The following ALG12 variants were observed in gnomAD, a reference collection of about 807,000 sequenced individuals.
ALG12 encodes the protein dol-P-Man:Man(7)GlcNAc(2)-PP-Dol alpha-1,6-mannosyltransferase.
Under a neutral mutation model 46.0 loss-of-function variants are expected in ALG12, and 36 were observed. The observed-to-expected ratio is 0.78, with a 90% CI of 0.60 to 1.03. The LOEUF (loss-of-function observed/expected upper bound fraction) is 1.03. ALG12 is among the 50% of genes least tolerant of loss of function. The pLI is 0.00. For missense variants in ALG12, 599 were observed against 633.5 expected, an observed-to-expected ratio of 0.95 and a Z score of 0.58; for synonymous variants, 326 against 291.6, an observed-to-expected ratio of 1.12 and a Z score of -1.20.
Position 49,902,702 on chromosome 22 carries a change from G to T in ALG12, c.*1136C>A, listed in dbSNP as rs2060519638. 1.6e-5 allele frequency: 2 copies of T among 124,538 alleles called. No homozygotes were observed. Among genetic ancestry groups the T allele is most frequent in the African/African-American group, 3.2e-5 (1 of 31,100 alleles). The allele number at this position is 124,538 out of a possible 1,614,324, so 7.7% of individuals were successfully genotyped here. The stretch of plus-strand genomic sequence containing the variant: ...CGTGTGCACTGTGTATGCATAGTGT[G>T]TGCACGTGTGCACTGTGTGTGGATG... On this transcript the variant is annotated 3_prime_UTR_variant, in exon 10 of 10. Transcript: ENST00000330817.
At chr22:49,860,765 C>T in the ALG12 span, among the ~76,000 whole-genome samples, 19 of 150,992 alleles carry the variant, frequency 1.3e-4, no homozygotes, top group East Asian at 2.9e-3. Context: ...ATCCCCACCA[C>T]TCTTCTAAGC....
the ALG12 span, among the ~76,000 whole-genome samples, chr22:49,892,809 C>A: frequency 6.6e-6 from 1 of 152,142 alleles, no homozygotes; most frequent in Non-Finnish European, 1.5e-5. Context: ...GCTCCTATAA[C>A]TTTACAGATA....
the ALG12 span, chr22:49,884,708 C>G: frequency 1.4e-4 from 231 of 1,597,886 alleles, no homozygotes; most frequent in African/African-American, 2.9e-3. Flanking sequence ...ACGGGCATCC[C>G]GCCACTGTAC....
At chr22:49,879,391 T>C in the ALG12 span, among the ~76,000 whole-genome samples, 18 of 151,884 alleles carry the variant, frequency 1.2e-4, no homozygotes, top group Admixed American at 2.6e-4. Context: ...CCTCCCGAAG[T>C]GCTGCGATTA....
At chr22:49,910,699 A>G (rs1188746878) in intron 3 of ALG12, 92 bp from the exon 4 acceptor site, 2 of 1,455,950 alleles carry the variant, frequency 1.4e-6, no homozygotes, top group Admixed American at 1.7e-5. Context: ...ATCTTTCTAT[A>G]TGGAGTTTTC....
At chr22:49,871,018 G>A in the ALG12 span, among the ~76,000 whole-genome samples, 1 of 149,208 alleles carries the variant, frequency 6.7e-6, no homozygotes, top group Admixed American at 6.7e-5. Flanking sequence ...TTGGCTAACT[G>A]CAACCTCCAT....
At chr22:49,899,320 C>CA (rs1209804049), downstream of ALG12, among the ~76,000 whole-genome samples, 5 of 151,260 alleles carry the variant, frequency 3.3e-5, no homozygotes, top group Non-Finnish European at 7.4e-5. Flanking sequence ...ACTAAAAATA[C>CA]AAAAAAAATT....
At chr22:49,909,407 A>G in intron 5 of ALG12, 60 bp from the exon 6 acceptor site, 1 of 1,500,894 alleles carries the variant, frequency 6.7e-7, no homozygotes, top group South Asian at 1.1e-5. Flanking sequence ...ACATCCCGCC[A>G]CAATGCAGCC....
the ALG12 span, chr22:49,889,644 C>T: frequency 6.0e-6 from 1 of 167,098 alleles, no homozygotes; most frequent in African/African-American, 2.4e-5. Flanking sequence ...TCATACATTC[C>T]CTTCATTTCG....
the ALG12 span, among the ~76,000 whole-genome samples, chr22:49,869,992 C>T: frequency 1.3e-5 from 2 of 152,128 alleles, no homozygotes; most frequent in East Asian, 1.9e-4. Flanking sequence ...TCCTCACTCT[C>T]GCAGTCCCAG....
At chr22:49,886,380 A>G in the ALG12 span, 1 of 1,610,400 alleles carries the variant, frequency 6.2e-7, no homozygotes. This position sits in a 1 kb window ranked among gnomAD's most constrained non-coding sequence, Gnocchi z 7.7. Context: ...TTGAGCAGAA[A>G]AGGGCCATTA....
the ALG12 span, among the ~76,000 whole-genome samples, chr22:49,894,816 C>T: frequency 6.6e-6 from 1 of 152,264 alleles, no homozygotes; most frequent in Admixed American, 6.5e-5. Flanking sequence ...ACGGCCGTCT[C>T]CTCCCTGGTT....
chr22:49,909,237 A>G lies in ALG12; in HGVS notation c.768+7T>C. 6.2e-7 allele frequency: 1 copy of G among 1,613,672 alleles called. No individual in the cohort carries two copies. On this transcript the variant is annotated splice_region_variant and intron_variant, in intron 6 of 9. Transcript: ENST00000330817. ...CATCGCCCTCCTGCACGGACACTGAAGGATACCCCCCAGTTGGAGCTTTTG... is the reference window on the plus strand; with the variant it reads ...CATCGCCCTCCTGCACGGACACTGAGGGATACCCCCCAGTTGGAGCTTTTG...
the ALG12 span, chr22:49,883,378 G>C: frequency 3.8e-5 from 11 of 289,936 alleles, no homozygotes; most frequent in East Asian, 5.7e-4. Context: ...TGATCAGGCA[G>C]ATCCTGTCCT....
downstream of ALG12, among the ~76,000 whole-genome samples, chr22:49,898,242 A>T (rs1197273451): frequency 6.6e-6 from 1 of 151,572 alleles, no homozygotes; most frequent in Non-Finnish European, 1.5e-5. Flanking sequence ...TCCTAGGCTT[A>T]AGCGATCCTC....
the ALG12 span, chr22:49,887,565 T>C: frequency 2.2e-5 from 4 of 181,244 alleles, no homozygotes; most frequent in Non-Finnish European, 5.2e-5. Context: ...TCAGGTACTG[T>C]ATTTTAGTGA....
At chr22:49,895,518 G>T (rs936822710), downstream of ALG12, among the ~76,000 whole-genome samples, 1 of 152,046 alleles carries the variant, frequency 6.6e-6, no homozygotes, top group African/African-American at 2.4e-5. Flanking sequence ...CAGGTGTGGT[G>T]GTGCGCACCT....
At chr22:49,896,136 C>T (rs1476272171), downstream of ALG12, among the ~76,000 whole-genome samples, 1 of 152,224 alleles carries the variant, frequency 6.6e-6, no homozygotes, top group Non-Finnish European at 1.5e-5. Context: ...AGAGGAAACC[C>T]ACTGGTGTGG....
At position 49,904,424 on chromosome 22, in the gene ALG12, A is replaced by T. The variant is rs1296996602; in HGVS notation, c.1075T>A (p.Ser359Thr). ...IGHLVVNAAY[S>T]ATALYVSHFN... ...TGGGACACATACAGGGCCGTGGCTG[A>T]GTAGGCGGCATTCACCACGAGGTGT... Residue 359 changes from serine (S) to threonine (T), a missense_variant, in exon 8 of 10, where the codon TCA becomes ACA. Coordinates refer to ENST00000330817, the MANE Select transcript of ALG12 (RefSeq NM_024105.4). 1.9e-6 allele frequency: 3 copies of T among 1,614,068 alleles called. No individual in the cohort carries two copies. Among genetic ancestry groups the T allele is most frequent in the Admixed American group, 1.7e-5 (1 of 60,006 alleles).
Sources: gnomAD v4.1 joint callset for allele counts (sites outside exome capture counted in the v4.1 genomes callset) on GRCh38, gnomAD v4.1.1 for gene constraint, Gnocchi (gnomAD v3.1) non-coding constraint, MANE v1.5 for transcripts, NCBI Gene and HGNC (gene_info 2026-07-23, HGNC 2026-07-21) for gene names.